Variants in MSRB3 observed in about 807,000 individuals in gnomAD.
The protein encoded by MSRB3 is methionine-R-sulfoxide reductase B3.
In MSRB3, 13 loss-of-function variants were observed where a neutral mutation model predicts 21.0. The observed-to-expected ratio is 0.62, with a 90% CI of 0.40 to 0.98. The LOEUF is 0.98. Among genes scored for constraint, MSRB3 ranks in the 50% least tolerant of loss-of-function variants. The pLI is 0.00. For missense variants in MSRB3, 199 were observed against 230.3 expected, an observed-to-expected ratio of 0.86 and a Z score of 0.88; for synonymous variants, 87 against 88.6, an observed-to-expected ratio of 0.98 and a Z score of 0.10.
chr12:65,279,825 C>T (rs553212092), intron 1 of MSRB3, among the ~76,000 whole-genome samples: 12 of 152,102 alleles, frequency 7.9e-5, no homozygotes, highest in Non-Finnish European at 1.5e-4. Context: ...TGGACTTTTA[C>T]GTTTGTGATG....
chr12:65,345,139 C>T (rs915040937), intron 4 of MSRB3, among the ~76,000 whole-genome samples: 2 of 151,902 alleles, frequency 1.3e-5, no homozygotes, highest in African/African-American at 2.4e-5. Context: ...TGTTTAAAAC[C>T]TAGTTTGGAA....
At position 65,419,481 on chromosome 12, in the gene MSRB3, G is replaced by A. The variant is rs143947225; in HGVS notation, c.293-34247G>A. ...TGACCTTGCAGAGCCCATAGATGTCGCTCTCCACAGACTGGCGCATGGCCA... is the reference window on the plus strand; with the variant it reads ...TGACCTTGCAGAGCCCATAGATGTCACTCTCCACAGACTGGCGCATGGCCA... On this transcript the variant is annotated intron_variant, in intron 5 of 6. Transcript: ENST00000308259. 1.6e-3 allele frequency: 1,183 copies of A among 740,448 alleles called. 17 individuals carry two copies. The East Asian group carries it at 0.028, about 17-fold the overall frequency. 45.9% of individuals were successfully genotyped at this position (740,448 alleles called of 1,614,324 possible). A position where few individuals can be genotyped will look rare whatever the true frequency, so the allele number is the denominator to read the frequency against.
intron 1 of MSRB3, among the ~76,000 whole-genome samples, chr12:65,288,307 C>CAAA (rs921177297): frequency 1.3e-4 from 8 of 63,778 alleles, no homozygotes; most frequent in African/African-American, 4.3e-4. Context: ...GTCCCCCCCG[C>CAAA]AAAAAAAAAA....
intron 5 of MSRB3, among the ~76,000 whole-genome samples, chr12:65,422,428 ATATTTATT>A (rs1555212226): frequency 0.012 from 881 of 72,332 alleles, 9 homozygotes; most frequent in Admixed American, 0.018. Context: ...ATATATATAT[ATATTTATT>A]TATTTATTTA....
chr12:65,415,830 T>G (rs1880941600), intron 5 of MSRB3, among the ~76,000 whole-genome samples: 1 of 152,202 alleles, frequency 6.6e-6, no homozygotes, highest in Non-Finnish European at 1.5e-5. Context: ...CTGCCTTTCA[T>G]GACCTTAAAA....
chr12:65,318,785 G>A (rs928613751), intron 2 of MSRB3, among the ~76,000 whole-genome samples: 1 of 152,072 alleles, frequency 6.6e-6, no homozygotes, highest in African/African-American at 2.4e-5. Flanking sequence ...CACAAAAAGT[G>A]TTGCTCTCAG....
intron 5 of MSRB3, among the ~76,000 whole-genome samples, chr12:65,420,256 T>C (rs1881216884): frequency 6.6e-6 from 1 of 152,168 alleles, no homozygotes; most frequent in Admixed American, 6.5e-5. Flanking sequence ...TATGTGTGTG[T>C]TTTTATGCCA....
At chr12:65,287,075 G>A (rs1215753635) in intron 1 of MSRB3, among the ~76,000 whole-genome samples, 2 of 142,720 alleles carry the variant, frequency 1.4e-5, no homozygotes, top group African/African-American at 2.7e-5. Context: ...AACAACTCAG[G>A]ACAGTCTTTG....
intron 1 of MSRB3, among the ~76,000 whole-genome samples, chr12:65,302,633 TA>T (rs2136413753): frequency 6.6e-6 from 1 of 152,284 alleles, no homozygotes; most frequent in South Asian, 2.1e-4. Flanking sequence ...TTCTGTTTCT[TA>T]AAACAAATAC....
intron 5 of MSRB3, 74 bp from the exon 6 acceptor site, chr12:65,453,654 C>A: frequency 9.0e-7 from 1 of 1,111,374 alleles, no homozygotes; most frequent in Non-Finnish European, 1.4e-6. Flanking sequence ...CTTAGTATTT[C>A]TTTAAAATGC....
intron 5 of MSRB3, among the ~76,000 whole-genome samples, chr12:65,377,177 C>T (rs1440389337): frequency 1.3e-5 from 2 of 152,216 alleles, no homozygotes; most frequent in African/African-American, 4.8e-5. Flanking sequence ...TCTTGTAGCA[C>T]TTATCATCTG....
intron 5 of MSRB3, among the ~76,000 whole-genome samples, chr12:65,404,394 C>T (rs977128662): frequency 3.3e-5 from 5 of 152,198 alleles, no homozygotes; most frequent in Admixed American, 2.6e-4. Flanking sequence ...TTTGTCATTG[C>T]TGTCATTCAT....
At chr12:65,446,620 T>A (rs1882630100) in intron 5 of MSRB3, among the ~76,000 whole-genome samples, 2 of 151,186 alleles carry the variant, frequency 1.3e-5, no homozygotes, top group Admixed American at 6.6e-5. Flanking sequence ...AAAATGAGAG[T>A]AAGAAAAAGA....
At chr12:65,347,073 G>T (rs1010027490) in intron 4 of MSRB3, among the ~76,000 whole-genome samples, 2 of 152,048 alleles carry the variant, frequency 1.3e-5, no homozygotes, top group East Asian at 1.9e-4. Context: ...TGTGGGCTCT[G>T]TTTTGGTTCC....
At chr12:65,341,612 C>A (rs1269104026) in intron 4 of MSRB3, among the ~76,000 whole-genome samples, 1 of 151,430 alleles carries the variant, frequency 6.6e-6, no homozygotes, top group Non-Finnish European at 1.5e-5. Flanking sequence ...GCAGTAATGA[C>A]CCCGATGTGG....
intron 4 of MSRB3, among the ~76,000 whole-genome samples, chr12:65,364,839 C>G (rs1231705052): frequency 1.3e-5 from 2 of 152,108 alleles, no homozygotes; most frequent in Non-Finnish European, 2.9e-5. Context: ...TCCCTATCCC[C>G]AAATTGACAG....
At chr12:65,367,191 C>CT (rs1319946294) in intron 4 of MSRB3, among the ~76,000 whole-genome samples, 2 of 152,104 alleles carry the variant, frequency 1.3e-5, no homozygotes, top group Non-Finnish European at 2.9e-5. Flanking sequence ...GTCTATACAT[C>CT]TTTTTTACAT....
intron 4 of MSRB3, among the ~76,000 whole-genome samples, chr12:65,337,430 CAAAAAAAA>C (rs780302211): frequency 5.3e-4 from 23 of 43,588 alleles, no homozygotes; most frequent in Admixed American, 4.9e-3. Flanking sequence ...GAGACTACAT[CAAAAAAAA>C]AAAAAAAAAA....
chr12:65,419,637 A>C (rs1881172530), intron 5 of MSRB3: 1 of 709,352 alleles, frequency 1.4e-6, no homozygotes, highest in Non-Finnish European at 2.6e-6. Flanking sequence ...TCTTGAAATA[A>C]TGGACCCAGT....
Sources: allele counts gnomAD v4.1 joint callset (sites outside exome capture counted in the v4.1 genomes callset), GRCh38; gene constraint gnomAD v4.1.1; transcripts MANE v1.5; gene names NCBI Gene and HGNC (gene_info 2026-07-23, HGNC 2026-07-21).